Variants in EYS observed in about 807,000 individuals in gnomAD.
The protein encoded by EYS is protein eyes shut homolog.
Under a neutral mutation model 282.1 loss-of-function variants are expected in EYS, and 250 were observed. The ratio of observed to expected loss-of-function variants is 0.89; its 90% CI spans 0.80 to 0.98. The LOEUF is 0.98. Among genes scored for constraint, EYS ranks in the 50% least tolerant of loss-of-function variants. The probability of loss-of-function intolerance (pLI) is 0.00; values close to 1 mark genes in which losing one functional copy is unlikely to be tolerated. For synonymous variants in EYS, 1,355 were observed against 1,282.9 expected (o/e 1.06, Z -1.20); for missense variants, 4,016 against 3,709.0 (o/e 1.08, Z -2.15).
chr6:65,352,191 T>A (rs1995441), intron 9 of EYS, among the ~76,000 whole-genome samples: 102,196 of 151,588 alleles, frequency 0.67, 34,547 homozygotes, highest in South Asian at 0.72. Flanking sequence ...TGAAATAAAT[T>A]ATCATGTTTT....
At chr6:64,403,579 G>A (rs1005592761) in intron 28 of EYS, among the ~76,000 whole-genome samples, 3 of 152,054 alleles carry the variant, frequency 2.0e-5, no homozygotes, top group African/African-American at 7.2e-5. Context: ...GGCTGGTCTC[G>A]GACTCCTGAC....
At chr6:64,027,079 C>T (rs980828390) in intron 33 of EYS, among the ~76,000 whole-genome samples, 14 of 152,108 alleles carry the variant, frequency 9.2e-5, no homozygotes, top group Non-Finnish European at 1.5e-4. Flanking sequence ...GTATCTTAGT[C>T]GAGTAAATGA....
At chr6:64,831,440 T>A (rs528704910) in intron 19 of EYS, among the ~76,000 whole-genome samples, 2 of 152,098 alleles carry the variant, frequency 1.3e-5, no homozygotes, top group African/African-American at 4.8e-5. Flanking sequence ...TCAGAAGCTC[T>A]CCAAGGAACT....
intron 1 of EYS, among the ~76,000 whole-genome samples, chr6:65,673,089 C>G (rs1420593134): frequency 6.6e-6 from 1 of 152,102 alleles, no homozygotes; most frequent in Non-Finnish European, 1.5e-5. Flanking sequence ...TTCAGGCTGT[C>G]TGGATGTATA....
intron 13 of EYS, among the ~76,000 whole-genome samples, chr6:64,998,870 T>A (rs978613765): frequency 3.3e-5 from 5 of 152,226 alleles, no homozygotes; most frequent in African/African-American, 1.2e-4. Flanking sequence ...TTTAAAATTA[T>A]CCTTATGGTT....
intron 12 of EYS, among the ~76,000 whole-genome samples, chr6:65,115,251 T>C (rs1775333071): frequency 1.3e-5 from 2 of 152,070 alleles, no homozygotes; most frequent in Admixed American, 1.3e-4. Context: ...ACAAAAAATT[T>C]TATACAAAGT....
intron 2 of EYS, among the ~76,000 whole-genome samples, chr6:65,533,759 T>C (rs971297440): frequency 3.3e-5 from 5 of 152,154 alleles, no homozygotes; most frequent in Non-Finnish European, 7.4e-5. Flanking sequence ...TGCTGGCACC[T>C]TGATCTTGAA....
At chr6:65,562,689 C>G (rs1769113625) in intron 2 of EYS, among the ~76,000 whole-genome samples, 1 of 151,894 alleles carries the variant, frequency 6.6e-6, no homozygotes, top group Non-Finnish European at 1.5e-5. Flanking sequence ...GTAGATATGA[C>G]TTATATATAA....
At chr6:64,996,764 A>G (rs1181397969) in intron 14 of EYS, among the ~76,000 whole-genome samples, 1 of 152,210 alleles carries the variant, frequency 6.6e-6, no homozygotes, top group Admixed American at 6.5e-5. Flanking sequence ...ATGTCAGTGC[A>G]CTGACAGTCA....
intron 5 of EYS, among the ~76,000 whole-genome samples, chr6:65,409,910 A>G (rs1197925984): frequency 6.6e-6 from 1 of 152,062 alleles, no homozygotes; most frequent in African/African-American, 2.4e-5. Flanking sequence ...TGACCACACC[A>G]TTGACATTAT....
intron 2 of EYS, among the ~76,000 whole-genome samples, chr6:65,588,397 G>A (rs1447699780): frequency 6.7e-6 from 1 of 149,720 alleles, no homozygotes; most frequent in Non-Finnish European, 1.5e-5. Flanking sequence ...CCTGTCATGT[G>A]GCGGGGGGAG....
chr6:65,387,963 C>CA (rs1249812261), intron 7 of EYS, among the ~76,000 whole-genome samples: 2 of 151,800 alleles, frequency 1.3e-5, no homozygotes, highest in African/African-American at 2.4e-5. Context: ...GCTACTTGGG[C>CA]AAAAAACCCT....
At chr6:65,003,618 C>T (rs1771539040) in intron 13 of EYS, among the ~76,000 whole-genome samples, 1 of 147,170 alleles carries the variant, frequency 6.8e-6, no homozygotes, top group Admixed American at 6.8e-5. Context: ...TCTTGTGGGG[C>T]ATCACAGAAC....
chr6:65,063,366 C>G (rs1340534960), intron 12 of EYS, among the ~76,000 whole-genome samples: 1 of 151,904 alleles, frequency 6.6e-6, no homozygotes, highest in Non-Finnish European at 1.5e-5. Flanking sequence ...AAACAAAAGT[C>G]TTACTTTAAC....
intron 21 of EYS, among the ~76,000 whole-genome samples, chr6:64,821,438 G>C (rs933426436): frequency 6.6e-6 from 1 of 151,662 alleles, no homozygotes; most frequent in Non-Finnish European, 1.5e-5. Context: ...AACAACAAGA[G>C]ACAAAGAAAG....
intron 35 of EYS, among the ~76,000 whole-genome samples, chr6:63,880,847 T>C (rs979037280): frequency 6.6e-6 from 1 of 152,212 alleles, no homozygotes; most frequent in Non-Finnish European, 1.5e-5. Flanking sequence ...TCTCTTGGAA[T>C]CAGTTGACAT....
intron 26 of EYS, among the ~76,000 whole-genome samples, chr6:64,451,014 A>T (rs1481303278): frequency 6.6e-6 from 1 of 152,208 alleles, no homozygotes. Flanking sequence ...GATCGAGCAG[A>T]ACTGAAGGAA....
At chr6:64,844,577 C>T (rs1331652994) in intron 19 of EYS, among the ~76,000 whole-genome samples, 1 of 151,982 alleles carries the variant, frequency 6.6e-6, no homozygotes, top group Non-Finnish European at 1.5e-5. Flanking sequence ...ACCCTTCTTT[C>T]ACCTACTAGT....
At chr6:64,746,719 A>G (rs1002804457) in intron 22 of EYS, among the ~76,000 whole-genome samples, 16 of 152,152 alleles carry the variant, frequency 1.1e-4, no homozygotes, top group African/African-American at 3.6e-4. Flanking sequence ...TTCCATACAG[A>G]CTGTATATAG....
Sources: gnomAD v4.1 joint callset for allele counts (sites outside exome capture counted in the v4.1 genomes callset) on GRCh38, gnomAD v4.1.1 for gene constraint, MANE v1.5 for transcripts, NCBI Gene and HGNC (gene_info 2026-07-23, HGNC 2026-07-21) for gene names.